Variants in RBFOX1 observed in about 807,000 individuals in gnomAD.
The protein encoded by RBFOX1 is RNA binding fox-1 homolog 1.
In RBFOX1, 8 loss-of-function variants were observed where a neutral mutation model predicts 57.7. The ratio of observed to expected loss-of-function variants is 0.14; its 90% CI spans 0.08 to 0.25. RBFOX1 has a LOEUF of 0.25. Among genes scored for constraint, RBFOX1 ranks in the 10% least tolerant of loss-of-function variants. RBFOX1 has a pLI of 1.00. For synonymous variants in RBFOX1, 326 were observed against 222.4 expected (o/e 1.47, Z -4.15); for missense variants, 611 against 548.5 (o/e 1.11, Z -1.14).
chr16:7,677,832 C>G (rs751698765), intron 14 of RBFOX1, among the ~76,000 whole-genome samples: 1 of 152,090 alleles, frequency 6.6e-6, no homozygotes, highest in Non-Finnish European at 1.5e-5. Flanking sequence ...GGTAAGCAGG[C>G]GATGTATTTG....
At chr16:6,386,494 A>T (rs1000238275) in intron 2 of RBFOX1, among the ~76,000 whole-genome samples, 8 of 152,192 alleles carry the variant, frequency 5.3e-5, no homozygotes, top group African/African-American at 1.9e-4. Flanking sequence ...GATGCTGGGG[A>T]TACACCAAAC....
chr16:5,681,450 G>A (rs2151437049), intron 3 of RBFOX1, among the ~76,000 whole-genome samples: 1 of 147,402 alleles, frequency 6.8e-6, no homozygotes, highest in Middle Eastern at 3.5e-3. Context: ...GTGCAATGGT[G>A]TGATCTCAGC....
At chr16:7,572,485 G>A (rs145157512) in intron 5 of RBFOX1, among the ~76,000 whole-genome samples, 106 of 152,292 alleles carry the variant, frequency 7.0e-4, no homozygotes, top group African/African-American at 2.5e-3. Flanking sequence ...CTGGCATGTG[G>A]TGGGTGGAGG....
chr16:5,421,162 A>G (rs1339164180), intron 1 of RBFOX1, among the ~76,000 whole-genome samples: 1 of 151,352 alleles, frequency 6.6e-6, no homozygotes, highest in Non-Finnish European at 1.5e-5. Context: ...ATGGGCCACT[A>G]CACCTGGCTA....
At chr16:5,997,879 A>G (rs929937016) in intron 4 of RBFOX1, among the ~76,000 whole-genome samples, 5 of 152,000 alleles carry the variant, frequency 3.3e-5, no homozygotes, top group Non-Finnish European at 7.4e-5. Context: ...ATAGTCAATC[A>G]TTTGCTGATT....
At chr16:6,068,919 C>T (rs1298048498) in intron 1 of RBFOX1, among the ~76,000 whole-genome samples, 1 of 152,148 alleles carries the variant, frequency 6.6e-6, no homozygotes, top group East Asian at 1.9e-4. Flanking sequence ...TTCCGACACT[C>T]AGTTTGGCCC....
chr16:7,273,459 C>T (rs373389465), intron 4 of RBFOX1, among the ~76,000 whole-genome samples: 4 of 152,076 alleles, frequency 2.6e-5, no homozygotes, highest in African/African-American at 9.7e-5. Flanking sequence ...ATTCTCTCTG[C>T]TGCATCAAGG....
chr16:6,096,712 T>C (rs1238353857), intron 1 of RBFOX1, among the ~76,000 whole-genome samples: 1 of 152,204 alleles, frequency 6.6e-6, no homozygotes, highest in Non-Finnish European at 1.5e-5. Context: ...GTTATCTGGT[T>C]ACCATCATTG....
intron 1 of RBFOX1, among the ~76,000 whole-genome samples, chr16:5,306,596 C>G (rs957647854): frequency 6.6e-6 from 1 of 152,142 alleles, no homozygotes; most frequent in Admixed American, 6.5e-5. Flanking sequence ...TGTGAGTCAC[C>G]ATGCCTGGCC....
chr16:6,555,469 A>T (rs578213016), intron 2 of RBFOX1, among the ~76,000 whole-genome samples: 4 of 152,078 alleles, frequency 2.6e-5, no homozygotes, highest in Non-Finnish European at 5.9e-5. Flanking sequence ...GGAGGCGGAG[A>T]CAGGCGGATC....
At chr16:6,983,363 G>T (rs2089456648) in intron 3 of RBFOX1, among the ~76,000 whole-genome samples, 1 of 151,776 alleles carries the variant, frequency 6.6e-6, no homozygotes, top group Admixed American at 6.6e-5. Context: ...ATTGGTGGGG[G>T]GTGGTCTTTG....
chr16:6,816,613 AC>A (rs1471289392), intron 3 of RBFOX1, among the ~76,000 whole-genome samples: 1 of 151,184 alleles, frequency 6.6e-6, no homozygotes, highest in East Asian at 2.0e-4. Context: ...GGTGGCGGGC[AC>A]CTGTAGTCCC....
At chr16:6,987,603 A>T (rs1206687333) in intron 3 of RBFOX1, among the ~76,000 whole-genome samples, 1 of 152,126 alleles carries the variant, frequency 6.6e-6, no homozygotes, top group Non-Finnish European at 1.5e-5. Context: ...CTGCAATCTC[A>T]TTCATAAATG....
chr16:5,758,891 C>T (rs145437245), intron 3 of RBFOX1, among the ~76,000 whole-genome samples: 29 of 152,272 alleles, frequency 1.9e-4, no homozygotes, highest in African/African-American at 6.5e-4. Context: ...CTCCATGCAA[C>T]ATGAACTTGA....
chr16:6,596,291 G>C (rs1197221737), intron 2 of RBFOX1, among the ~76,000 whole-genome samples: 2 of 152,094 alleles, frequency 1.3e-5, no homozygotes, highest in Non-Finnish European at 2.9e-5. Context: ...AATTTTGCAT[G>C]TGGTGAGATA....
intron 2 of RBFOX1, among the ~76,000 whole-genome samples, chr16:5,592,275 C>T (rs2047033125): frequency 6.6e-6 from 1 of 151,828 alleles, no homozygotes; most frequent in Non-Finnish European, 1.5e-5. Flanking sequence ...CTCAGATTGC[C>T]CTTTGTCTTC....
At chr16:6,106,466 CAAAAATAAAA>C (rs1352384896) in intron 1 of RBFOX1, among the ~76,000 whole-genome samples, 5 of 109,450 alleles carry the variant, frequency 4.6e-5, no homozygotes, top group Non-Finnish European at 8.7e-5. Context: ...GTATCTGTCT[CAAAAATAAAA>C]AAAAAAAAAG....
chr16:6,767,960 A>T lies in RBFOX1; in HGVS notation c.-16+113310A>T, dbSNP rs1567165994. Among the ~76,000 whole-genome samples, 10 of 114,594 alleles carry T rather than the reference A, an allele frequency of 8.7e-5. 1 individual carries two copies. Among genetic ancestry groups the T allele is most frequent in the Non-Finnish European group, 1.8e-5 (1 of 56,362 alleles). 75.2% of individuals were successfully genotyped at this position (114,594 alleles called of 152,430 possible). On this transcript the variant is annotated intron_variant, in intron 3 of 15. Transcript: ENST00000550418. ...TAATAATAATAATAAGAAGAAGAAG[A>T]AGAAGAAGAAGAAGAAGAAGAAGAA...
At chr16:5,322,288 A>G (rs1236234139) in intron 1 of RBFOX1, among the ~76,000 whole-genome samples, 1 of 152,210 alleles carries the variant, frequency 6.6e-6, no homozygotes, top group Admixed American at 6.5e-5. Context: ...AGGATTTCTC[A>G]GACTGCCTCT....
Sources: allele counts gnomAD v4.1 joint callset (sites outside exome capture counted in the v4.1 genomes callset), GRCh38; gene constraint gnomAD v4.1.1; transcripts MANE v1.5; gene names NCBI Gene and HGNC (gene_info 2026-07-23, HGNC 2026-07-21).